ABCB5: variants seen among roughly 807,000 people sequenced by gnomAD.
ABCB5 encodes the protein ATP-binding cassette sub-family B member 5.
A neutral mutation model predicts 144.2 loss-of-function variants in ABCB5; 155 were observed. The observed-to-expected ratio is 1.08, with a 90% CI of 0.94 to 1.23. ABCB5 has a LOEUF of 1.23. Among genes scored for constraint, ABCB5 ranks in the 50% most tolerant of loss-of-function variants. The pLI is 0.00. For missense variants in ABCB5, 1,830 were observed against 1,520.8 expected (o/e 1.20, Z -3.38); for synonymous variants, 610 against 528.6 (o/e 1.15, Z -2.11).
chr7:20,645,991 T>C lies in ABCB5; in HGVS notation c.834T>C (p.Asp278=). 6.2e-7 allele frequency: 1 copy of C among 1,613,702 alleles called. No individual in the cohort carries two copies. Among genetic ancestry groups the C allele is most frequent in the Non-Finnish European group, 8.5e-7 (1 of 1,179,774 alleles). ...CACAGAATCTCAAAGATGCAAAGGA[T>C]TTTGGCATAAAAAGGACTATAGCTT... is the stretch of plus-strand genomic sequence containing the variant. The part of the protein sequence containing the change: ...RYTQNLKDAK[D]FGIKRTIASK... The change falls in exon 9 of 28, where the codon GAT becomes GAC. Residue 278 remains aspartate, a synonymous_variant. Transcript: ENST00000404938.
At chr7:20,731,369 A>AAAAAAAAAAAAAAAAAAATATAT (rs57305244) in intron 23 of ABCB5, among the ~76,000 whole-genome samples, 1 of 123,104 alleles carries the variant, frequency 8.1e-6, no homozygotes, top group African/African-American at 3.3e-5. Context: ...AAAAAAAAAA[A>AAAAAAAAAAAAAAAAAAATATAT]ATATATATAT....
At chr7:20,652,684 A>G (rs1249154442) in intron 13 of ABCB5, among the ~76,000 whole-genome samples, 5 of 152,254 alleles carry the variant, frequency 3.3e-5, no homozygotes, top group South Asian at 4.1e-4. Flanking sequence ...CGAGATCTTA[A>G]TGGGTATTTA....
In ABCB5 at chr7:20,700,143, A is replaced by T; in HGVS notation, c.2337+8A>T. 6.5e-7 allele frequency: 1 copy of T among 1,538,454 alleles called. No homozygotes were observed. The highest frequency in any genetic ancestry group is 8.7e-7 in the Non-Finnish European group (1 of 1,151,960). ...AAAGCCATGTTATATCAGGTCAGTG[A>T]TAAGTTGATTTTTTTTTTATTTTAT... On this transcript the variant is annotated splice_region_variant and intron_variant, in intron 19 of 27. Coordinates refer to ENST00000404938, the MANE Select transcript of ABCB5 (RefSeq NM_001163941.2).
chr7:20,633,496 C>A (rs1188656123), intron 5 of ABCB5, among the ~76,000 whole-genome samples: 3 of 151,970 alleles, frequency 2.0e-5, no homozygotes, highest in Non-Finnish European at 4.4e-5. Flanking sequence ...AATTGACACA[C>A]AATAATTATA....
chr7:20,670,450 AATCC>A (rs1275818945), intron 14 of ABCB5, among the ~76,000 whole-genome samples: 1 of 152,200 alleles, frequency 6.6e-6, no homozygotes, highest in Non-Finnish European at 1.5e-5. Flanking sequence ...ATGAGCCCCA[AATCC>A]AACTGAGGCA....
At chr7:20,729,090 A>G (rs560242712) in intron 23 of ABCB5, among the ~76,000 whole-genome samples, 1 of 152,242 alleles carries the variant, frequency 6.6e-6, no homozygotes, top group Non-Finnish European at 1.5e-5. Context: ...TTTATGGGGT[A>G]CAATGGGATG....
At chr7:20,682,666 G>T (rs747532688) in intron 15 of ABCB5, among the ~76,000 whole-genome samples, 1 of 152,154 alleles carries the variant, frequency 6.6e-6, no homozygotes, top group Non-Finnish European at 1.5e-5. Flanking sequence ...AACGTATGTA[G>T]GAAGCACCTA....
At chr7:20,667,176 C>A in intron 14 of ABCB5, 5 of 882,462 alleles carry the variant, frequency 5.7e-6, no homozygotes, top group Non-Finnish European at 6.8e-6. Flanking sequence ...CACTCAGATA[C>A]AAATTCATGC....
At position 20,723,218 on chromosome 7, in the gene ABCB5, A is replaced by C. The variant is rs1415761942; in HGVS notation, c.2624A>C (p.Lys875Thr). 6.2e-7 allele frequency: 1 copy of C among 1,613,950 alleles called. No individual in the cohort carries two copies. Among genetic ancestry groups the C allele is most frequent in the South Asian group, 1.1e-5 (1 of 91,078 alleles). Reference protein sequence around the residue: ...KDKQELKHAGKIATEALENIR... With the variant: ...KDKQELKHAGTIATEALENIR... ...AAGCAAGAACTTAAGCATGCTGGAA[A>C]GGTAAAATGAAGACTGTTATCACCA... Residue 875 changes from lysine (K) to threonine (T), a missense_variant and splice_region_variant, in exon 21 of 28, where the codon AAG becomes ACG. Physicochemically the swap from Lys to Thr is moderately conservative, Grantham distance 78 (BLOSUM62 -1). Transcript: ENST00000404938.
intron 21 of ABCB5, among the ~76,000 whole-genome samples, chr7:20,724,674 T>A (rs1781981656): frequency 6.6e-6 from 1 of 151,668 alleles, no homozygotes; most frequent in Admixed American, 6.6e-5. Context: ...TAATACTGTT[T>A]CAGAGCTCTT....
At chr7:20,659,359 A>G (rs749447523) in intron 14 of ABCB5, 32 of 1,263,892 alleles carry the variant, frequency 2.5e-5, no homozygotes, top group Non-Finnish European at 3.2e-5. Context: ...TTAATGGCAC[A>G]TTTTACTTTG....
At chr7:20,752,190 C>T (rs910968216) in intron 26 of ABCB5, among the ~76,000 whole-genome samples, 7 of 152,218 alleles carry the variant, frequency 4.6e-5, no homozygotes, top group African/African-American at 7.2e-5. Flanking sequence ...TGGCTATACC[C>T]TTGGACCAGC....
chr7:20,749,115 TTC>T (rs1347015287), intron 26 of ABCB5, among the ~76,000 whole-genome samples: 6 of 151,244 alleles, frequency 4.0e-5, no homozygotes. Context: ...TTTTCTTCCT[TTC>T]TCTCTCTCTT....
In ABCB5 at chr7:20,643,650, T is replaced by C. The variant is rs778728692; in HGVS notation, c.678+18T>C. On this transcript the variant is annotated intron_variant, in intron 7 of 27. Transcript: ENST00000404938. ...GTTCTAGGGTAAGTGAGATGGCTAA[T>C]GCAATATTGAATGGAAGCAGCAGTG... 1.2e-6 allele frequency: 2 copies of C among 1,612,602 alleles called. No homozygotes were observed. Among genetic ancestry groups the C allele is most frequent in the African/African-American group, 1.3e-5 (1 of 75,050 alleles).
At chr7:20,751,509 AC>A (rs1213642257) in intron 26 of ABCB5, among the ~76,000 whole-genome samples, 1 of 152,050 alleles carries the variant, frequency 6.6e-6, no homozygotes, top group Non-Finnish European at 1.5e-5. Flanking sequence ...AAATTAAAAA[AC>A]CTTCATCCAA....
rs149643958 is a variant in ABCB5 at position 20,751,890 on chromosome 7, G to C, written c.3430-1470G>C. 4.6e-4 allele frequency among the ~76,000 whole-genome samples: 70 copies of C among 152,350 alleles called. 2 individuals carry two copies. Among genetic ancestry groups the C allele is most frequent in the Admixed American group, 2.4e-3 (37 of 15,302 alleles). On this transcript the variant is annotated intron_variant, in intron 26 of 27. Transcript: ENST00000404938. ...TATTCTTTGTAGAGCATTCACGTCA[G>C]AGAAGATATTTTTACTAGGCTTTAG...
chr7:20,700,833 T>G (rs904110075), intron 19 of ABCB5, among the ~76,000 whole-genome samples: 5 of 152,224 alleles, frequency 3.3e-5, no homozygotes, highest in Non-Finnish European at 7.3e-5. Context: ...CACCTCACTT[T>G]CTGTCACAAA....
chr7:20,713,289 A>C (rs1262993081), intron 20 of ABCB5, among the ~76,000 whole-genome samples: 1 of 148,614 alleles, frequency 6.7e-6, no homozygotes, highest in Non-Finnish European at 1.5e-5. Flanking sequence ...GCTCAAGTGC[A>C]GTGGCATGAA....
chr7:20,696,661 T>A (rs1786425629), intron 16 of ABCB5, among the ~76,000 whole-genome samples: 1 of 152,146 alleles, frequency 6.6e-6, no homozygotes, highest in Non-Finnish European at 1.5e-5. Flanking sequence ...ACTTTTTAAC[T>A]TTTTAATACT....
Sources: gnomAD v4.1 joint callset for allele counts (sites outside exome capture counted in the v4.1 genomes callset) on GRCh38, gnomAD v4.1.1 for gene constraint, MANE v1.5 for transcripts, NCBI Gene and HGNC (gene_info 2026-07-23, HGNC 2026-07-21) for gene names.